The following COL25A1 variants were observed in gnomAD, a reference collection of about 807,000 sequenced individuals.
The protein encoded by COL25A1 is collagen alpha-1(XXV) chain.
A neutral mutation model predicts 128.4 loss-of-function variants in COL25A1; 103 were observed. The observed-to-expected ratio is 0.80, with a 90% CI of 0.68 to 0.94. The LOEUF (loss-of-function observed/expected upper bound fraction) is 0.94. Ranked by LOEUF, COL25A1 falls within the 40% of genes least tolerant of loss-of-function variation. COL25A1 has a pLI of 0.00. For synonymous variants in COL25A1, 279 were observed against 277.2 expected (o/e 1.01, Z -0.06); for missense variants, 745 against 840.0 (o/e 0.89, Z 1.40).
chr4:108,830,429 G>T (rs1284552459), intron 32 of COL25A1, among the ~76,000 whole-genome samples: 1 of 152,154 alleles, frequency 6.6e-6, no homozygotes, highest in Non-Finnish European at 1.5e-5. Context: ...CATTATCCTA[G>T]AACACCTCCC....
At chr4:108,913,215 A>AAGAGG (rs1474010806) in intron 13 of COL25A1, among the ~76,000 whole-genome samples, 3 of 151,196 alleles carry the variant, frequency 2.0e-5, no homozygotes, top group Non-Finnish European at 4.4e-5. Flanking sequence ...GATGTGAATT[A>AAGAGG]AGAGGAGCAA....
intron 19 of COL25A1, among the ~76,000 whole-genome samples, chr4:108,871,334 T>A (rs1332439471): frequency 6.6e-6 from 1 of 152,180 alleles, no homozygotes; most frequent in Non-Finnish European, 1.5e-5. Flanking sequence ...TTATTTATTT[T>A]TTTGAGACGG....
intron 35 of COL25A1, among the ~76,000 whole-genome samples, chr4:108,822,324 G>A (rs1023717380): frequency 3.3e-5 from 5 of 152,088 alleles, no homozygotes; most frequent in African/African-American, 9.7e-5. Flanking sequence ...GATTACAGGC[G>A]TGAGCCACCA....
At chr4:109,176,979 G>C (rs1386667654) in intron 3 of COL25A1, among the ~76,000 whole-genome samples, 1 of 152,120 alleles carries the variant, frequency 6.6e-6, no homozygotes, top group Non-Finnish European at 1.5e-5. Flanking sequence ...ATTGTGAAAG[G>C]ATACATTTAA....
At chr4:108,962,384 T>A (rs925402007) in intron 8 of COL25A1, among the ~76,000 whole-genome samples, 1 of 152,096 alleles carries the variant, frequency 6.6e-6, no homozygotes, top group Non-Finnish European at 1.5e-5. Context: ...TTTCACCACG[T>A]TGGCTAGGAT....
chr4:109,123,804 G>A (rs1315471912), intron 3 of COL25A1, among the ~76,000 whole-genome samples: 1 of 152,026 alleles, frequency 6.6e-6, no homozygotes, highest in Admixed American at 6.6e-5. Context: ...CGGTTCTACA[G>A]CCATCACGGA....
chr4:108,862,326 A>T (rs1222275101), intron 22 of COL25A1, among the ~76,000 whole-genome samples, 175 bp downstream of exon 22: 1 of 152,234 alleles, frequency 6.6e-6, no homozygotes. Context: ...AAACAAACGT[A>T]TTGTTTTGAG....
intron 31 of COL25A1, among the ~76,000 whole-genome samples, 185 bp downstream of exon 31, chr4:108,841,510 A>G (rs943015667): frequency 2.0e-5 from 3 of 152,190 alleles, no homozygotes; most frequent in African/African-American, 7.2e-5. Context: ...TCTCCAGGTG[A>G]TATCATTTAA....
At chr4:109,081,987 G>T (rs1763883929) in intron 3 of COL25A1, among the ~76,000 whole-genome samples, 1 of 152,184 alleles carries the variant, frequency 6.6e-6, no homozygotes. Context: ...TTACAGGTGT[G>T]AGCCACCGCG....
chr4:109,081,102 T>C (rs960152650), intron 3 of COL25A1, among the ~76,000 whole-genome samples: 2 of 152,184 alleles, frequency 1.3e-5, no homozygotes, highest in African/African-American at 4.8e-5. Context: ...TCCCCCAAGA[T>C]ACCATCATAA....
Position 108,846,137 on chromosome 4 carries a change from A to G in COL25A1, c.1515+2T>C. 1 of 1,587,158 alleles carries G rather than the reference A, an allele frequency of 6.3e-7. No individual in the cohort carries two copies. Among genetic ancestry groups the G allele is most frequent in the Non-Finnish European group, 8.7e-7 (1 of 1,155,474 alleles). ...ATAAACAAACAGAAAGTATAAACAT[A>G]CCGGTAATCCAGGAAGTCCAATTCC... On this transcript the variant is annotated splice_donor_variant, in intron 28 of 37. Coordinates refer to ENST00000399132, the MANE Select transcript of COL25A1 (RefSeq NM_198721.4). LOFTEE classifies it high-confidence loss of function.
At chr4:108,890,650 T>TGA (rs1741380453) in intron 16 of COL25A1, among the ~76,000 whole-genome samples, 1 of 152,230 alleles carries the variant, frequency 6.6e-6, no homozygotes. Flanking sequence ...AAAGGTCATT[T>TGA]GAGACTGTCA....
chr4:109,118,192 A>C (rs544531113), intron 3 of COL25A1, among the ~76,000 whole-genome samples: 5 of 152,080 alleles, frequency 3.3e-5, no homozygotes, highest in African/African-American at 1.2e-4. Flanking sequence ...ATATAAAGAC[A>C]TATAGACTAA....
At chr4:108,872,335 G>A (rs1738824455) in intron 19 of COL25A1, among the ~76,000 whole-genome samples, 1 of 152,174 alleles carries the variant, frequency 6.6e-6, no homozygotes, top group Admixed American at 6.5e-5. Context: ...AGAACCACTT[G>A]AACCTGGGAG....
intron 3 of COL25A1, among the ~76,000 whole-genome samples, chr4:109,281,451 T>A (rs1035828299): frequency 6.6e-6 from 1 of 152,012 alleles, no homozygotes; most frequent in African/African-American, 2.4e-5. Flanking sequence ...TAAACAAGAT[T>A]TTTTTTGAGT....
At chr4:109,121,725 A>G (rs563433810) in intron 3 of COL25A1, among the ~76,000 whole-genome samples, 1 of 152,124 alleles carries the variant, frequency 6.6e-6, no homozygotes, top group African/African-American at 2.4e-5. Flanking sequence ...AGTTTCTTAC[A>G]AAATGAAACA....
intron 3 of COL25A1, among the ~76,000 whole-genome samples, chr4:109,106,066 T>A (rs1202956385): frequency 6.6e-6 from 1 of 152,216 alleles, no homozygotes; most frequent in African/African-American, 2.4e-5. Flanking sequence ...GTATGAGGGA[T>A]CTCGCTCACA....
At chr4:109,010,633 A>C (rs1456886480) in intron 5 of COL25A1, among the ~76,000 whole-genome samples, 1 of 152,184 alleles carries the variant, frequency 6.6e-6, no homozygotes, top group African/African-American at 2.4e-5. Context: ...CATGCTCTAA[A>C]ATTTAATTGG....
intron 13 of COL25A1, among the ~76,000 whole-genome samples, chr4:108,907,990 T>C (rs1743731638): frequency 6.6e-6 from 1 of 152,222 alleles, no homozygotes; most frequent in African/African-American, 2.4e-5. Flanking sequence ...TTCTTCCAAC[T>C]CTAAAGGAGT....
Sources: allele counts gnomAD v4.1 joint callset (sites outside exome capture counted in the v4.1 genomes callset), GRCh38; gene constraint gnomAD v4.1.1; transcripts MANE v1.5; gene names NCBI Gene and HGNC (gene_info 2026-07-23, HGNC 2026-07-21).